Variants in CFAP221 observed in about 807,000 individuals in gnomAD.
CFAP221 encodes cilia- and flagella-associated protein 221.
Under a neutral mutation model 113.1 loss-of-function variants are expected in CFAP221, and 97 were observed. That is an observed-to-expected ratio of 0.86 (90% confidence interval 0.73 to 1.02). CFAP221 has a LOEUF of 1.02. Ranked by LOEUF, CFAP221 falls within the 50% of genes least tolerant of loss-of-function variation. The probability of loss-of-function intolerance (pLI) is 0.00; values close to 1 mark genes in which losing one functional copy is unlikely to be tolerated. For missense variants in CFAP221, 1,025 were observed against 1,013.4 expected, an observed-to-expected ratio of 1.01 and a Z score of -0.16; for synonymous variants, 331 against 354.4, an observed-to-expected ratio of 0.93 and a Z score of 0.74.
Position 119,582,785 on chromosome 2 carries a change from G to A in CFAP221, c.528-4334G>A, listed in dbSNP as rs536025220. 1.6e-4 allele frequency among the ~76,000 whole-genome samples: 25 copies of A among 152,164 alleles called. 1 individual carries two copies. Among genetic ancestry groups the A allele is most frequent in the African/African-American group, 5.5e-4 (23 of 41,518 alleles). ...ATAAGACATATCTTTAAAAAATTTA[G>A]AGTAATAATTAAAATTATAGAAATG... On this transcript the variant is annotated intron_variant, in intron 6 of 23. Transcript: ENST00000413369.
intron 3 of CFAP221, among the ~76,000 whole-genome samples, chr2:119,551,760 G>A (rs531473075): frequency 6.6e-5 from 10 of 152,270 alleles, no homozygotes; most frequent in African/African-American, 2.4e-4. Context: ...ATGAATTTTA[G>A]GATCAGCTTT....
At chr2:119,574,191 G>A (rs964596062) in intron 6 of CFAP221, among the ~76,000 whole-genome samples, 1 of 152,190 alleles carries the variant, frequency 6.6e-6, no homozygotes, top group Non-Finnish European at 1.5e-5. Context: ...ATGAGGCCAA[G>A]GGGTGGAGTG....
intron 7 of CFAP221, among the ~76,000 whole-genome samples, chr2:119,591,497 T>TA (rs1369776707): frequency 6.6e-6 from 1 of 152,254 alleles, no homozygotes; most frequent in Non-Finnish European, 1.5e-5. Flanking sequence ...TTCTATTTAC[T>TA]AATTGTTAGC....
chr2:119,559,588 T>G lies in CFAP221; in HGVS notation c.241-101T>G, dbSNP rs1681073134. On this transcript the variant is annotated intron_variant, in intron 3 of 23. Coordinates refer to ENST00000413369, the MANE Select transcript of CFAP221 (RefSeq NM_001271049.2). The stretch of plus-strand genomic sequence containing the variant: ...ATTTTGAAAAGTTAAATATAGGATA[T>G]CTCCTCAAATTCTTTTAGGAACAGA... The G allele has an allele frequency of 2.1e-6, 2 of 939,116 alleles. 1 individual carries two copies. The allele number at this position is 939,116 out of a possible 1,614,324, so 58.2% of individuals were successfully genotyped here. A position where few individuals can be genotyped will look rare whatever the true frequency, so the allele number is the denominator to read the frequency against.
chr2:119,643,242 GC>G (rs774720733), intron 21 of CFAP221, among the ~76,000 whole-genome samples: 1 of 152,142 alleles, frequency 6.6e-6, no homozygotes, highest in African/African-American at 2.4e-5. Flanking sequence ...TGTATCTTTT[GC>G]CCCTGACAAC....
chr2:119,590,056 G>A (rs1416128488), intron 7 of CFAP221: 1 of 152,092 alleles, frequency 6.6e-6, no homozygotes, highest in Non-Finnish European at 1.5e-5. Context: ...TCACTATTTT[G>A]TGATCCTGGA....
chr2:119,618,932 T>G (rs1450089734), intron 14 of CFAP221, among the ~76,000 whole-genome samples: 4 of 152,032 alleles, frequency 2.6e-5, no homozygotes, highest in African/African-American at 9.7e-5. Flanking sequence ...GAGGCTTGAG[T>G]AGGCGATTTT....
At chr2:119,628,555 T>C (rs1305905166) in intron 16 of CFAP221, among the ~76,000 whole-genome samples, 1 of 152,318 alleles carries the variant, frequency 6.6e-6, no homozygotes, top group Non-Finnish European at 1.5e-5. Context: ...CAAATTCACA[T>C]AGCCAGTAAC....
chr2:119,648,100 A>G (rs973848825), intron 22 of CFAP221, among the ~76,000 whole-genome samples: 24 of 152,226 alleles, frequency 1.6e-4, no homozygotes, highest in African/African-American at 5.8e-4. Context: ...ATGAATTACT[A>G]CATGCCCAAT....
At chr2:119,572,429 T>C (rs1682126272) in intron 6 of CFAP221, 1 of 567,060 alleles carries the variant, frequency 1.8e-6, no homozygotes, top group South Asian at 2.5e-5. Flanking sequence ...ACAATCTCAA[T>C]CTTCTTATAA....
intron 6 of CFAP221, among the ~76,000 whole-genome samples, chr2:119,584,854 G>A (rs1015029707): frequency 2.0e-5 from 3 of 152,060 alleles, no homozygotes; most frequent in Non-Finnish European, 4.4e-5. Context: ...GGTGTAAATT[G>A]GTAAAGGGCT....
chr2:119,562,752 A>T (rs1174727623), intron 6 of CFAP221, among the ~76,000 whole-genome samples: 1 of 152,166 alleles, frequency 6.6e-6, no homozygotes, highest in Non-Finnish European at 1.5e-5. Flanking sequence ...CCCTAGATGG[A>T]TATTGAGCTG....
chr2:119,576,425 G>T (rs1682447969), intron 6 of CFAP221, among the ~76,000 whole-genome samples: 1 of 152,080 alleles, frequency 6.6e-6, no homozygotes. Context: ...TCATCATTCA[G>T]CTCTCACTTA....
At chr2:119,625,021 T>TAA (rs111892225) in intron 14 of CFAP221, among the ~76,000 whole-genome samples, 1 of 142,740 alleles carries the variant, frequency 7.0e-6, no homozygotes, top group Non-Finnish European at 1.5e-5. Context: ...CAGTATATAT[T>TAA]AAAAAAAAAA....
intron 7 of CFAP221, among the ~76,000 whole-genome samples, chr2:119,588,484 C>G (rs1285847832): frequency 6.6e-6 from 1 of 152,074 alleles, no homozygotes; most frequent in Non-Finnish European, 1.5e-5. Flanking sequence ...ATTAATTTAC[C>G]CAGTGGGTTT....
intron 11 of CFAP221, among the ~76,000 whole-genome samples, 189 bp downstream of exon 11, chr2:119,605,478 A>G (rs571387133): frequency 1.3e-5 from 2 of 152,220 alleles, no homozygotes; most frequent in Non-Finnish European, 2.9e-5. Context: ...ACCAAACCAC[A>G]CTGTTTGCTA....
In CFAP221 at chr2:119,601,221, T is replaced by A; in HGVS notation, c.635T>A (p.Ile212Lys). The change falls in exon 8 of 24, where the codon ATA becomes AAA. Residue 212 changes from isoleucine to lysine, a missense_variant. Physicochemically the swap from Ile to Lys is moderately radical, Grantham distance 102. Transcript: ENST00000413369. Reference protein sequence around the residue: ...QAFAIEPTSGIIPANGKMTVT... With the variant: ...QAFAIEPTSGKIPANGKMTVT... The stretch of plus-strand genomic sequence containing the variant: ...TTTCTCATTTCTTTCCTCTCAGGAA[T>A]AATTCCGGCTAATGGGAAGATGACT... The A allele has an allele frequency of 2.0e-6, 3 of 1,519,348 alleles. No individual in the cohort carries two copies. Among genetic ancestry groups the A allele is most frequent in the Non-Finnish European group, 2.6e-6 (3 of 1,134,716 alleles). 94.1% of individuals were successfully genotyped at this position (1,519,348 alleles called of 1,614,324 possible).
intron 3 of CFAP221, 25 bp downstream of exon 3, chr2:119,549,210 T>C: frequency 6.9e-7 from 1 of 1,447,886 alleles, no homozygotes; most frequent in Non-Finnish European, 9.3e-7. Context: ...AATGGGATAA[T>C]TAATCATCAT....
At chr2:119,589,162 T>C (rs568498301) in intron 7 of CFAP221, among the ~76,000 whole-genome samples, 1 of 152,338 alleles carries the variant, frequency 6.6e-6, no homozygotes, top group East Asian at 1.9e-4. Context: ...TCGGTAGCTA[T>C]TTTGTGAATC....
Sources: gnomAD v4.1 joint callset for allele counts (sites outside exome capture counted in the v4.1 genomes callset) on GRCh38, gnomAD v4.1.1 for gene constraint, MANE v1.5 for transcripts, NCBI Gene and HGNC (gene_info 2026-07-23, HGNC 2026-07-21) for gene names.